The following STYXL2 variants were observed in gnomAD, a reference collection of about 807,000 sequenced individuals.
The protein encoded by STYXL2 is serine/threonine/tyrosine-interacting-like protein 2.
STYXL2 carries 44 observed loss-of-function variants against 52.4 expected under a neutral mutation model. The observed-to-expected ratio is 0.84, with a 90% CI of 0.66 to 1.08. STYXL2 has a LOEUF of 1.08. Ranked by LOEUF, STYXL2 falls within the 50% of genes least tolerant of loss-of-function variation. The pLI is 0.00. For missense variants in STYXL2, 1,604 were observed against 1,471.7 expected (o/e 1.09, Z -1.47); for synonymous variants, 604 against 586.9 (o/e 1.03, Z -0.42).
intron 2 of STYXL2, among the ~76,000 whole-genome samples, chr1:167,110,163 A>G (rs1667587317): frequency 2.6e-5 from 4 of 152,352 alleles, no homozygotes; most frequent in Middle Eastern, 3.4e-3. Flanking sequence ...CCCCATCTCT[A>G]GTGGAAGGAG....
Position 167,126,447 on chromosome 1 carries a change from C to G in STYXL2, c.1316C>G (p.Ala439Gly), listed in dbSNP as rs759998805. The G allele has an allele frequency of 1.3e-6, 2 of 1,580,692 alleles. No homozygotes were observed. Among genetic ancestry groups the G allele is most frequent in the Non-Finnish European group, 1.7e-6 (2 of 1,163,962 alleles). Reference protein sequence around the residue: ...RRRRTLSESSAWESVSSHDIW... With the variant: ...RRRRTLSESSGWESVSSHDIW... ...CGGCGCACCCTGAGCGAGAGCAGCG[C>G]CTGGGAGAGCGTGAGCAGCCACGAC... Residue 439 changes from alanine (A) to glycine (G), a missense_variant, in exon 6 of 6, where the codon GCC (alanine) becomes GGC (glycine). Coordinates refer to ENST00000361200, the MANE Select transcript of STYXL2 (RefSeq NM_001080426.3).
chr1:167,109,050 T>C (rs1667563558), intron 2 of STYXL2, among the ~76,000 whole-genome samples: 1 of 152,170 alleles, frequency 6.6e-6, no homozygotes, highest in African/African-American at 2.4e-5. Context: ...TCTGACTTTA[T>C]CTCACAGGGG....
intron 3 of STYXL2, among the ~76,000 whole-genome samples, chr1:167,116,651 G>GTTCTTTTTTTTTTTTTTTTTTTTTTGT (rs1667729262): frequency 8.8e-6 from 1 of 113,762 alleles, no homozygotes; most frequent in Non-Finnish European, 1.7e-5. Flanking sequence ...TTTTTTTTTG[G>GTTCTTTTTTTTTTTTTTTTTTTTTTGT]TTTTTTTTTT....
In STYXL2 at chr1:167,127,580, AG is replaced by A; in HGVS notation, c.2454del (p.Thr819ProfsTer15). 6.2e-7 allele frequency: 1 copy of A among 1,614,148 alleles called. No individual in the cohort carries two copies. Among genetic ancestry groups the A allele is most frequent in the Non-Finnish European group, 8.5e-7 (1 of 1,180,010 alleles). The stretch of plus-strand genomic sequence containing the variant: ...CGCGGAAAGTTGCAGAAGCAAAGTG[AG>A]GGGGACCAGCAAGCCCATCTTCAGC... The part of the protein sequence containing the change: ...SPAESCRSKV[R>X]GTSKPIFSLF... On this transcript the variant is annotated frameshift_variant, in exon 6 of 6. Coordinates refer to ENST00000361200, the MANE Select transcript of STYXL2 (RefSeq NM_001080426.3). LOFTEE classifies it high-confidence loss of function.
Position 167,094,934 on chromosome 1 carries a change from T to A in STYXL2, c.85T>A (p.Tyr29Asn). 8 of 1,608,480 alleles carry A rather than the reference T, an allele frequency of 5.0e-6. No homozygotes were observed. The highest frequency in any genetic ancestry group is 6.8e-6 in the Non-Finnish European group (8 of 1,177,918). Reference sequence around the variant, plus strand: ...CAACGTGAGGGCGGTGCAGGCCCACTACCTCCGAAGCCCCTCCCCTAGCCA... The same window carrying A: ...CAACGTGAGGGCGGTGCAGGCCCACAACCTCCGAAGCCCCTCCCCTAGCCA... ...EANVRAVQAH[Y>N]LRSPSPSQYS... The change falls in exon 2 of 6, where the codon TAC (tyrosine) becomes AAC (asparagine). Residue 29 changes from tyrosine (Y) to asparagine (N), a missense_variant. Tyr to Asn is a moderately radical substitution (Grantham distance 143). Transcript: ENST00000361200.
At chr1:167,100,586 A>G (rs1042228052) in intron 2 of STYXL2, among the ~76,000 whole-genome samples, 2 of 152,222 alleles carry the variant, frequency 1.3e-5, no homozygotes, top group Non-Finnish European at 2.9e-5. Context: ...AAAGGCATTC[A>G]GTCCTTAGCC....
chr1:167,127,270 G>T lies in STYXL2; in HGVS notation c.2139G>T (p.Gly713=). 2 of 1,614,188 alleles carry T rather than the reference G, an allele frequency of 1.2e-6. No individual in the cohort carries two copies. Among genetic ancestry groups the T allele is most frequent in the South Asian group, 1.1e-5 (1 of 91,076 alleles). Residue 713 remains glycine (G), a synonymous_variant, in exon 6 of 6, where the codon GGG becomes GGT. Coordinates refer to ENST00000361200, the MANE Select transcript of STYXL2 (RefSeq NM_001080426.3). ...CACCCCTGCCTAACCTGCCAGTGGG[G>T]CCTGGAGACACCATTTCCATTGCCA... ...PTTPLPNLPV[G]PGDTISIASI...
rs757616235 is a variant in STYXL2 at position 167,126,982 on chromosome 1, G to A, written c.1851G>A (p.Ser617=). ...TGGAGCTCAGCAAGGGGGAGGACTC[G>A]GCCTTGGCTAAGAAGAGACAACGGA... is the stretch of plus-strand genomic sequence containing the variant. ...EVVELSKGED[S]ALAKKRQRRL... The change falls in exon 6 of 6, where the codon TCG becomes TCA. Residue 617 remains serine (S), a synonymous_variant. Transcript: ENST00000361200. The A allele has an allele frequency of 3.0e-5, 48 of 1,609,000 alleles. No individual in the cohort carries two copies. Among genetic ancestry groups the A allele is most frequent in the Non-Finnish European group, 3.9e-5 (46 of 1,177,472 alleles).
chr1:167,111,469 CATATATATATATAT>C (rs776014246), intron 2 of STYXL2, among the ~76,000 whole-genome samples: 893 of 79,922 alleles, frequency 0.011, 14 homozygotes, highest in Non-Finnish European at 0.018. Flanking sequence ...AAATATGGTA[CATATATATATATAT>C]ATATATATAT....
In STYXL2 at chr1:167,127,019, C is replaced by A; in HGVS notation, c.1888C>A (p.Leu630Met). 1 of 1,606,616 alleles carries A rather than the reference C, an allele frequency of 6.2e-7. No homozygotes were observed. Among genetic ancestry groups the A allele is most frequent in the Middle Eastern group, 1.7e-4 (1 of 6,024 alleles). ...GAAGAGACAACGGAGGCTGGAGCTGCTGGAGAGAAGCCGGCAGACGCTGGA... is the reference window on the plus strand; with the variant it reads ...GAAGAGACAACGGAGGCTGGAGCTGATGGAGAGAAGCCGGCAGACGCTGGA... ...AKKRQRRLELLERSRQTLEES... is the reference protein window; with the variant it reads ...AKKRQRRLELMERSRQTLEES... Residue 630 changes from leucine to methionine, a missense_variant, in exon 6 of 6, where the codon CTG becomes ATG. Leu to Met is a conservative substitution (Grantham distance 15, BLOSUM62 2). Coordinates refer to ENST00000361200, the MANE Select transcript of STYXL2 (RefSeq NM_001080426.3).
chr1:167,116,927 G>C (rs146345390), intron 3 of STYXL2, among the ~76,000 whole-genome samples: 2,193 of 152,278 alleles, frequency 0.014, 40 homozygotes, highest in African/African-American at 0.05. Context: ...TGGGGTTACA[G>C]ACGTGAGCCA....
chr1:167,104,776 T>G (rs1176017999), intron 2 of STYXL2, among the ~76,000 whole-genome samples: 1 of 152,188 alleles, frequency 6.6e-6, no homozygotes, highest in African/African-American at 2.4e-5. Flanking sequence ...TGTCCTTTTT[T>G]GCAAAAGCCC....
chr1:167,110,611 G>T (rs1178105938), intron 2 of STYXL2, among the ~76,000 whole-genome samples: 2 of 152,168 alleles, frequency 1.3e-5, no homozygotes, highest in African/African-American at 4.8e-5. Flanking sequence ...AATCAAACAA[G>T]TAGAAGAAAG....
chr1:167,125,884 T>C lies in STYXL2; in HGVS notation c.753T>C (p.Ala251=). Residue 251 remains alanine, a synonymous_variant, in exon 6 of 6, where the codon GCT becomes GCC. Coordinates refer to ENST00000361200, the MANE Select transcript of STYXL2 (RefSeq NM_001080426.3). The part of the protein sequence containing the change: ...MIFHNMAILE[A]LMTVRKKRAI... Reference sequence around the variant, plus strand: ...TCCACAACATGGCCATCCTGGAGGCTTTGATGACCGTGCGTAAGAAGCGGG... The same window carrying C: ...TCCACAACATGGCCATCCTGGAGGCCTTGATGACCGTGCGTAAGAAGCGGG... 6.2e-7 allele frequency: 1 copy of C among 1,614,158 alleles called. No homozygotes were observed. Among genetic ancestry groups the C allele is most frequent in the Non-Finnish European group, 8.5e-7 (1 of 1,180,016 alleles).
intron 2 of STYXL2, among the ~76,000 whole-genome samples, chr1:167,108,963 GA>G (rs1030426041): frequency 1.3e-5 from 2 of 151,882 alleles, no homozygotes; most frequent in African/African-American, 4.8e-5. Context: ...TGAATTTAGA[GA>G]GCTGAGAAAC....
Position 167,128,007 on chromosome 1 carries a change from G to A in STYXL2, c.2876G>A (p.Arg959Lys). The A allele has an allele frequency of 6.2e-7, 1 of 1,614,234 alleles. No homozygotes were observed. Among genetic ancestry groups the A allele is most frequent in the Non-Finnish European group, 8.5e-7 (1 of 1,180,050 alleles). The stretch of plus-strand genomic sequence containing the variant: ...CAAAGTGACTGGTCTGGAAGTTCCA[G>A]AGGGAAGTACACCAGATCGTCCCTG... ...PFQSDWSGSS[R>K]GKYTRSSLLR... The change falls in exon 6 of 6, where the codon AGA (arginine) becomes AAA (lysine). Residue 959 changes from arginine to lysine, a missense_variant. Transcript: ENST00000361200.
chr1:167,095,594 AT>A (rs1667268479), intron 2 of STYXL2, among the ~76,000 whole-genome samples: 1 of 152,188 alleles, frequency 6.6e-6, no homozygotes, highest in South Asian at 2.1e-4. Flanking sequence ...AATGAAAAAA[AT>A]GTGCATAACA....
chr1:167,100,118 G>A (rs1193155417), intron 2 of STYXL2, among the ~76,000 whole-genome samples: 1 of 152,238 alleles, frequency 6.6e-6, no homozygotes, highest in African/African-American at 2.4e-5. Context: ...CATAGCATGA[G>A]TGCATGTGAA....
intron 2 of STYXL2, among the ~76,000 whole-genome samples, chr1:167,113,132 TC>T (rs999647914): frequency 5.4e-4 from 60 of 111,540 alleles, no homozygotes; most frequent in African/African-American, 2.2e-3. Context: ...AACCTGACTC[TC>T]GATTTCATGT....
Sources: gnomAD v4.1 joint callset for allele counts (sites outside exome capture counted in the v4.1 genomes callset) on GRCh38, gnomAD v4.1.1 for gene constraint, MANE v1.5 for transcripts, NCBI Gene and HGNC (gene_info 2026-07-23, HGNC 2026-07-21) for gene names.